Variants in DLC1 observed in about 807,000 individuals in gnomAD.
The protein encoded by DLC1 is DLC1 Rho GTPase activating protein, also known as rho GTPase-activating protein 7.
Under a neutral mutation model 140.3 loss-of-function variants are expected in DLC1, and 54 were observed. That is an observed-to-expected ratio of 0.38 (90% confidence interval 0.31 to 0.48). The LOEUF (loss-of-function observed/expected upper bound fraction) is 0.48. Among genes scored for constraint, DLC1 ranks in the 20% least tolerant of loss-of-function variants. The pLI, the probability that DLC1 is intolerant of heterozygous loss-of-function variation, is 0.96. For synonymous variants in DLC1, 986 were observed against 728.1 expected, an observed-to-expected ratio of 1.35 and a Z score of -5.70; for missense variants, 2,536 against 1,907.0, an observed-to-expected ratio of 1.33 and a Z score of -6.14.
At chr8:13,238,106 A>ATG (rs1210169472) in intron 5 of DLC1, among the ~76,000 whole-genome samples, 2 of 152,164 alleles carry the variant, frequency 1.3e-5, no homozygotes, top group African/African-American at 4.8e-5. Flanking sequence ...CCAGTTCCTC[A>ATG]TGTGTGTATG....
intron 4 of DLC1, among the ~76,000 whole-genome samples, chr8:13,345,547 C>CTTTTGTT (rs1834290873): frequency 3.0e-5 from 2 of 67,520 alleles, no homozygotes; most frequent in South Asian, 6.8e-4. Flanking sequence ...TTCACTCACA[C>CTTTTGTT]TTTTTTTTTT....
At chr8:13,429,663 A>G (rs1838769099) in intron 2 of DLC1, among the ~76,000 whole-genome samples, 1 of 152,180 alleles carries the variant, frequency 6.6e-6, no homozygotes, top group African/African-American at 2.4e-5. Flanking sequence ...AGTGATACTC[A>G]GTAAGTATAT....
At chr8:13,477,555 G>A (rs961838989) in intron 2 of DLC1, among the ~76,000 whole-genome samples, 3 of 152,172 alleles carry the variant, frequency 2.0e-5, no homozygotes, top group Non-Finnish European at 4.4e-5. Flanking sequence ...CAAGACATAG[G>A]TTAGTGCTTT....
chr8:13,388,700 G>C (rs1455373045), intron 4 of DLC1, among the ~76,000 whole-genome samples: 1 of 151,494 alleles, frequency 6.6e-6, no homozygotes, highest in African/African-American at 2.4e-5. Context: ...ACACACACAA[G>C]GACACAAATA....
At chr8:13,220,719 A>G (rs530712539) in intron 5 of DLC1, among the ~76,000 whole-genome samples, 1 of 152,330 alleles carries the variant, frequency 6.6e-6, no homozygotes, top group South Asian at 2.1e-4. Context: ...TTTTTTCTAT[A>G]TCCAAAGTAA....
chr8:13,369,924 A>T (rs1333534049), intron 4 of DLC1, among the ~76,000 whole-genome samples: 1 of 151,042 alleles, frequency 6.6e-6, no homozygotes, highest in Non-Finnish European at 1.5e-5. Context: ...AAAAAAAAAA[A>T]AAATGGAAAA....
chr8:13,508,036 C>G (rs1802181154), intron 1 of DLC1, among the ~76,000 whole-genome samples: 1 of 152,188 alleles, frequency 6.6e-6, no homozygotes, highest in Non-Finnish European at 1.5e-5. Context: ...AAAGTTAACT[C>G]TTTCAATCCA....
At chr8:13,435,797 G>A (rs1426223827) in intron 2 of DLC1, among the ~76,000 whole-genome samples, 1 of 152,208 alleles carries the variant, frequency 6.6e-6, no homozygotes. Context: ...TGGGGAAAAT[G>A]CTGTCAAACA....
intron 2 of DLC1, among the ~76,000 whole-genome samples, chr8:13,429,447 A>C (rs2117384858): frequency 6.6e-6 from 1 of 152,328 alleles, no homozygotes; most frequent in Middle Eastern, 3.4e-3. Context: ...TATTAAAAAC[A>C]AACAAAAAAC....
At chr8:13,280,606 A>G (rs1328148046) in intron 5 of DLC1, among the ~76,000 whole-genome samples, 1 of 152,112 alleles carries the variant, frequency 6.6e-6, no homozygotes, top group African/African-American at 2.4e-5. Flanking sequence ...AAAATTTTTA[A>G]TTTTATAGTG....
chr8:13,322,497 T>TAC (rs1833165474), intron 4 of DLC1, among the ~76,000 whole-genome samples: 1 of 151,792 alleles, frequency 6.6e-6, no homozygotes, highest in African/African-American at 2.4e-5. Flanking sequence ...CATTATAACA[T>TAC]AATTCAACTC....
At chr8:13,377,846 G>C (rs886169219) in intron 4 of DLC1, among the ~76,000 whole-genome samples, 1 of 151,772 alleles carries the variant, frequency 6.6e-6, no homozygotes, top group Non-Finnish European at 1.5e-5. Context: ...CTCCTATTTC[G>C]AGTCTTGTGT....
At chr8:13,177,726 A>T (rs1266974300) in intron 5 of DLC1, among the ~76,000 whole-genome samples, 1 of 151,676 alleles carries the variant, frequency 6.6e-6, no homozygotes, top group African/African-American at 2.4e-5. Context: ...TATTCTAATC[A>T]TGAGTGTAAC....
intron 1 of DLC1, among the ~76,000 whole-genome samples, chr8:13,576,729 T>G (rs62493196): frequency 0.33 from 49,830 of 151,888 alleles, 8,386 homozygotes; most frequent in East Asian, 0.51. Context: ...CTCCCCAGAG[T>G]AGGGTATGAT....
chr8:13,421,600 C>T (rs766541825), intron 2 of DLC1, among the ~76,000 whole-genome samples: 7 of 152,206 alleles, frequency 4.6e-5, no homozygotes, highest in Admixed American at 1.3e-4. Context: ...TAGACTGGTT[C>T]ATTGTTTGTG....
At chr8:13,311,104 C>G (rs1448494696) in intron 4 of DLC1, among the ~76,000 whole-genome samples, 1 of 151,926 alleles carries the variant, frequency 6.6e-6, no homozygotes, top group Non-Finnish European at 1.5e-5. Flanking sequence ...GAATGTTTGC[C>G]CCAGTATCAG....
intron 5 of DLC1, among the ~76,000 whole-genome samples, chr8:13,141,860 G>T (rs1472701386): frequency 6.6e-6 from 1 of 152,060 alleles, no homozygotes; most frequent in Admixed American, 6.6e-5. Context: ...GCAAGGCAAC[G>T]AATTACACAT....
chr8:13,598,842 A>G lies in DLC1; in HGVS notation c.-126+5695T>C, dbSNP rs114816488. On this transcript the variant is annotated intron_variant, in intron 1 of 1. Transcript: ENST00000631382. ...ATTCCATGAATGAACTAAAATTCTG[A>G]AAAATAATTTAAAACTTTTTTTTGG... Among the ~76,000 whole-genome samples the G allele has an allele frequency of 7.6e-3, 1,160 of 152,126 alleles. 18 individuals carry two copies. Among genetic ancestry groups the G allele is most frequent in the African/African-American group, 0.026 (1,086 of 41,516 alleles).
chr8:13,228,204 A>T (rs1828881891), intron 5 of DLC1, among the ~76,000 whole-genome samples: 1 of 151,646 alleles, frequency 6.6e-6, no homozygotes, highest in Non-Finnish European at 1.5e-5. Flanking sequence ...TTTTGGGGGG[A>T]TTTTGTATAT....
Sources: gnomAD v4.1 joint callset for allele counts (sites outside exome capture counted in the v4.1 genomes callset) on GRCh38, gnomAD v4.1.1 for gene constraint, MANE v1.5 for transcripts, NCBI Gene and HGNC (gene_info 2026-07-23, HGNC 2026-07-21) for gene names.